MARK3: variants seen among roughly 807,000 people sequenced by gnomAD.
MARK3 encodes the protein microtubule affinity regulating kinase 3, also known as MAP/microtubule affinity-regulating kinase 3.
A neutral mutation model predicts 90.1 loss-of-function variants in MARK3; 46 were observed. The observed-to-expected ratio is 0.51, with a 90% CI of 0.40 to 0.65. The LOEUF (loss-of-function observed/expected upper bound fraction) is 0.65. MARK3 is among the 30% of genes least tolerant of loss of function. The pLI, the probability that MARK3 is intolerant of heterozygous loss-of-function variation, is 0.00. For synonymous variants in MARK3, 321 were observed against 332.6 expected (o/e 0.97, Z 0.38); for missense variants, 818 against 947.2 (o/e 0.86, Z 1.79).
chr14:103,465,601 A>G lies in MARK3; in HGVS notation c.585A>G (p.Ala195=). 1 of 1,614,116 alleles carries G rather than the reference A, an allele frequency of 6.2e-7. No individual in the cohort carries two copies. Among genetic ancestry groups the G allele is most frequent in the Non-Finnish European group, 8.5e-7 (1 of 1,180,016 alleles). The change falls in exon 8 of 18, where the codon GCA becomes GCG. Residue 195 remains alanine (A), a synonymous_variant. Coordinates refer to ENST00000429436, the MANE Select transcript of MARK3 (RefSeq NM_001128918.3). ...ATGCCGATATGAACATTAAAATAGC[A>G]GATTTCGGTTTTAGCAATGAATTTA... The part of the protein sequence containing the change: ...LLDADMNIKI[A]DFGFSNEFTV...
intron 14 of MARK3, among the ~76,000 whole-genome samples, chr14:103,485,101 A>C (rs2093902297): frequency 7.2e-6 from 1 of 138,392 alleles, no homozygotes; most frequent in East Asian, 2.2e-4. Flanking sequence ...ATGGTGGCGC[A>C]TGCCTATAAT....
At chr14:103,481,120 G>A (rs1879022002) in intron 14 of MARK3, among the ~76,000 whole-genome samples, 1 of 152,178 alleles carries the variant, frequency 6.6e-6, no homozygotes, top group Admixed American at 6.5e-5. Context: ...TTGGGGTTTT[G>A]AAATAAAATA....
chr14:103,458,414 G>A (rs987494716), intron 6 of MARK3, among the ~76,000 whole-genome samples: 3 of 120,304 alleles, frequency 2.5e-5, no homozygotes, highest in South Asian at 2.9e-4. Flanking sequence ...AGCCAAGACC[G>A]TACCATTGCA....
chr14:103,426,976 T>C (rs2092425963), intron 2 of MARK3, among the ~76,000 whole-genome samples: 1 of 152,138 alleles, frequency 6.6e-6, no homozygotes. Context: ...TCAGCTAAAT[T>C]TAAAGTGTCA....
intron 4 of MARK3, among the ~76,000 whole-genome samples, chr14:103,451,573 A>C (rs1595739719): frequency 6.6e-6 from 1 of 152,292 alleles, no homozygotes; most frequent in South Asian, 2.1e-4. Context: ...CAGGCTGACC[A>C]CTTTTCCTGG....
At chr14:103,391,390 G>T (rs2090230813) in intron 1 of MARK3, among the ~76,000 whole-genome samples, 1 of 152,082 alleles carries the variant, frequency 6.6e-6, no homozygotes, top group Admixed American at 6.6e-5. Context: ...AAGAGATAAA[G>T]CCTGTTTTAA....
At chr14:103,494,621 A>G (rs1466662926) in intron 15 of MARK3, among the ~76,000 whole-genome samples, 1 of 151,192 alleles carries the variant, frequency 6.6e-6, no homozygotes. Context: ...CAAGATTATC[A>G]TTGATAAAAA....
chr14:103,493,595 C>A (rs1192231105), intron 15 of MARK3, among the ~76,000 whole-genome samples: 3 of 152,052 alleles, frequency 2.0e-5, no homozygotes, highest in African/African-American at 7.2e-5. Flanking sequence ...TCCTTCCTGG[C>A]CAGCCGTGGT....
chr14:103,448,401 G>A (rs1006951558), intron 3 of MARK3, among the ~76,000 whole-genome samples: 2 of 152,142 alleles, frequency 1.3e-5, no homozygotes, highest in African/African-American at 2.4e-5. Context: ...TAATGTAATA[G>A]TCACCACAAC....
Position 103,385,870 on chromosome 14 carries a change from G to T in MARK3, c.-160G>T. On this transcript the variant is annotated 5_prime_UTR_variant, in exon 1 of 18. Coordinates refer to ENST00000429436, the MANE Select transcript of MARK3 (RefSeq NM_001128918.3). Reference sequence around the variant, plus strand: ...CGGGACCCGCCGGGGGACGGCCCGGGCCAGGCCCGGGATCTAGACGGCCGT... The same window carrying T: ...CGGGACCCGCCGGGGGACGGCCCGGTCCAGGCCCGGGATCTAGACGGCCGT... 1 of 600,626 alleles carries T rather than the reference G, an allele frequency of 1.7e-6. No homozygotes were observed. The highest frequency in any genetic ancestry group is 3.0e-6 in the Non-Finnish European group (1 of 337,230). 37.2% of individuals were successfully genotyped at this position (600,626 alleles called of 1,614,324 possible).
chr14:103,397,917 C>T (rs1303997086), intron 1 of MARK3, among the ~76,000 whole-genome samples: 3 of 152,164 alleles, frequency 2.0e-5, no homozygotes, highest in African/African-American at 7.2e-5. Context: ...CTCCATATGT[C>T]ATTACTCTTA....
rs762139723 is a variant in MARK3, at chr14:103,468,127, A to G, written c.1205A>G (p.His402Arg). 9.9e-6 allele frequency: 16 copies of G among 1,613,768 alleles called. No homozygotes were observed. In the Admixed American group the frequency reaches 2.7e-4, roughly 27 times the overall value. ...AACAACAGTACTGGCCAGTCTCCTCACCACAAAGTGCAGAGAAGTGTTTCT... is the reference window on the plus strand; with the variant it reads ...AACAACAGTACTGGCCAGTCTCCTCGCCACAAAGTGCAGAGAAGTGTTTCT... ...DLNNSTGQSPHHKVQRSVSSS... is the reference protein window; with the variant it reads ...DLNNSTGQSPRHKVQRSVSSS... The change falls in exon 12 of 18, where the codon CAC becomes CGC. Residue 402 changes from histidine (H) to arginine (R), a missense_variant. By Grantham distance (29) the His-to-Arg change is conservative. Transcript: ENST00000429436.
intron 7 of MARK3, among the ~76,000 whole-genome samples, chr14:103,462,901 A>G (rs2093429113): frequency 6.6e-6 from 1 of 152,260 alleles, no homozygotes; most frequent in African/African-American, 2.4e-5. Context: ...CACAGAGAAA[A>G]TAGAAACACC....
chr14:103,433,178 C>T (rs576306075), intron 3 of MARK3, among the ~76,000 whole-genome samples: 9 of 151,138 alleles, frequency 6.0e-5, no homozygotes, highest in East Asian at 4.0e-4. Context: ...CTCTGCCTCC[C>T]GGGTTCAAGA....
intron 3 of MARK3, among the ~76,000 whole-genome samples, chr14:103,447,571 C>T (rs1329303883): frequency 6.6e-6 from 1 of 152,130 alleles, no homozygotes; most frequent in Non-Finnish European, 1.5e-5. Flanking sequence ...AGATCTTTTT[C>T]TTTCTTTTCC....
intron 7 of MARK3, among the ~76,000 whole-genome samples, chr14:103,465,092 T>C (rs961613829): frequency 6.6e-6 from 1 of 152,104 alleles, no homozygotes; most frequent in Admixed American, 6.5e-5. Flanking sequence ...CTCAGCCTCC[T>C]GAGTAGCTGG....
chr14:103,497,462 G>A (rs998397054), intron 15 of MARK3, among the ~76,000 whole-genome samples: 2 of 152,244 alleles, frequency 1.3e-5, no homozygotes, highest in South Asian at 4.1e-4. Context: ...AACCTCATTC[G>A]TAGTTTGAAA....
Position 103,451,930 on chromosome 14 carries a change from A to G in MARK3, c.359A>G (p.Glu120Gly). Reference protein sequence around the residue: ...LNHPNIVKLFEVIETEKTLYL... With the variant: ...LNHPNIVKLFGVIETEKTLYL... ...TCCTCTCCCGCAGTGAAGTTATTCG[A>G]AGTCATTGAAACTGAAAAAACACTC... The change falls in exon 5 of 18, where the codon GAA becomes GGA. Residue 120 changes from glutamate to glycine, a missense_variant. Physicochemically the swap from Glu to Gly is moderately conservative, Grantham distance 98. This residue lies in a region of MARK3 where 157 missense variants were observed against 158.7 expected (regional missense o/e 0.99). Coordinates refer to ENST00000429436, the MANE Select transcript of MARK3 (RefSeq NM_001128918.3). 3 of 1,611,868 alleles carry G rather than the reference A, an allele frequency of 1.9e-6. No individual in the cohort carries two copies. Among genetic ancestry groups the G allele is most frequent in the Non-Finnish European group, 2.5e-6 (3 of 1,178,722 alleles).
chr14:103,472,007 G>A (rs1219482330), intron 12 of MARK3, among the ~76,000 whole-genome samples: 6 of 151,944 alleles, frequency 3.9e-5, no homozygotes, highest in African/African-American at 9.7e-5. Context: ...TCAGGAGATC[G>A]AGACCATCCT....
Sources: allele counts gnomAD v4.1 joint callset (sites outside exome capture counted in the v4.1 genomes callset), GRCh38; gene constraint gnomAD v4.1.1; regional missense constraint gnomAD v4.1.1; transcripts MANE v1.5; gene names NCBI Gene and HGNC (gene_info 2026-07-23, HGNC 2026-07-21).